The following AMPD3 variants were observed in gnomAD, a reference collection of about 807,000 sequenced individuals.
AMPD3 encodes adenosine monophosphate deaminase 3, also known as AMP deaminase 3.
Under a neutral mutation model 82.3 loss-of-function variants are expected in AMPD3, and 57 were observed. The observed-to-expected ratio is 0.69, with a 90% CI of 0.56 to 0.86. The LOEUF (loss-of-function observed/expected upper bound fraction) is 0.86. Ranked by LOEUF, AMPD3 falls within the 40% of genes least tolerant of loss-of-function variation. AMPD3 has a pLI of 0.00. For synonymous variants in AMPD3, 381 were observed against 394.7 expected (o/e 0.97, Z 0.41); for missense variants, 870 against 1,003.8 (o/e 0.87, Z 1.80).
chr11:10,482,377 C>T (rs1430615533), intron 4 of AMPD3, 152 bp downstream of exon 4: 2 of 931,240 alleles, frequency 2.1e-6, no homozygotes, highest in East Asian at 5.3e-5. Context: ...TTGATGGTTC[C>T]CCCAAGGATT....
At chr11:10,451,219 G>T (rs1332238787), upstream of AMPD3, among the ~76,000 whole-genome samples, 1 of 152,222 alleles carries the variant, frequency 6.6e-6, no homozygotes, top group Non-Finnish European at 1.5e-5. Context: ...TCCTGTCCCT[G>T]TCCCTACCCC....
In AMPD3 at chr11:10,486,684, G is replaced by A. The variant is rs1441273860; in HGVS notation, c.810-551G>A. 6.1e-6 allele frequency: 6 copies of A among 985,352 alleles called. No homozygotes were observed. In the Admixed American group the frequency reaches 3.7e-4, roughly 61 times the overall value. 61.0% of individuals were successfully genotyped at this position (985,352 alleles called of 1,614,324 possible). On this transcript the variant is annotated intron_variant, in intron 5 of 14. Coordinates refer to ENST00000396553, the MANE Select transcript of AMPD3 (RefSeq NM_001025389.2). ...TGGGCCGTGGCCATTAGGTCAGGGG[G>A]CTGGTTCCTCTGCAACCCAAGGTGG...
At chr11:10,485,882 AAT>A (rs1849053728) in intron 5 of AMPD3, among the ~76,000 whole-genome samples, 1 of 151,936 alleles carries the variant, frequency 6.6e-6, no homozygotes, top group Non-Finnish European at 1.5e-5. Flanking sequence ...GCTGATCAGT[AAT>A]ACCTGGACTC....
At chr11:10,450,693 G>C, upstream of AMPD3, 1 of 1,064,802 alleles carries the variant, frequency 9.4e-7, no homozygotes, top group Non-Finnish European at 1.1e-6. Flanking sequence ...CTGCTCTCAA[G>C]TTTCCCGTTG....
rs996390777 is a variant in AMPD3 at position 10,465,784 on chromosome 11, C to T, written c.221+4044C>T. ...CCTGGGTTTCAAGCACAAAACAGGG[C>T]GGCCATTCAGGCAGACACTGAACTA... On this transcript the variant is annotated intron_variant, in intron 2 of 14. Transcript: ENST00000396553. Among the ~76,000 whole-genome samples the T allele has an allele frequency of 2.4e-3, 354 of 150,248 alleles. 1 individual carries two copies. The highest frequency in any genetic ancestry group is 8.2e-3 in the African/African-American group (336 of 40,856).
chr11:10,473,320 A>G, intron 2 of AMPD3: 2 of 883,226 alleles, frequency 2.3e-6, no homozygotes, highest in Non-Finnish European at 2.7e-6. Context: ...TGTAACACTT[A>G]AGTTAACAGA....
intron 7 of AMPD3, 110 bp downstream of exon 7, chr11:10,493,653 GCTTTCTCTT>G: frequency 8.1e-7 from 1 of 1,240,978 alleles, no homozygotes; most frequent in Non-Finnish European, 1.1e-6. Context: ...TACGGAAGCA[GCTTTCTCTT>G]CTATCTGACT....
At chr11:10,458,254 TA>T (rs374036957) in intron 1 of AMPD3, among the ~76,000 whole-genome samples, 62 of 91,454 alleles carry the variant, frequency 6.8e-4, no homozygotes, top group South Asian at 3.9e-3. Context: ...ACCTCATCTC[TA>T]AAAAAAAAAA....
chr11:10,498,363 G>C (rs553063793), intron 10 of AMPD3: 1 of 153,434 alleles, frequency 6.5e-6, no homozygotes, highest in African/African-American at 2.4e-5. Context: ...AGGAAGAGCA[G>C]GTATGGGGAG....
At chr11:10,494,008 G>A (rs779170732) in intron 7 of AMPD3, among the ~76,000 whole-genome samples, 9 of 152,170 alleles carry the variant, frequency 5.9e-5, no homozygotes, top group Non-Finnish European at 8.8e-5. Context: ...CTGAAAGCAG[G>A]AACTTGAACA....
chr11:10,498,873 C>T lies in AMPD3; in HGVS notation c.1558-1213C>T, dbSNP rs544545552. Among the ~76,000 whole-genome samples, 22 of 152,354 alleles carry T rather than the reference C, an allele frequency of 1.4e-4. No homozygotes were observed. The South Asian group carries it at 1.7e-3, about 11-fold the overall frequency. ...AAGCCTCCCCTGTGCGCTGAGAGCC[C>T]GTACCCTCCATGCATGTGTTCTTGG... On this transcript the variant is annotated intron_variant, in intron 10 of 14. Transcript: ENST00000396553.
intron 10 of AMPD3, among the ~76,000 whole-genome samples, chr11:10,498,111 T>C (rs1056391614): frequency 6.6e-6 from 1 of 152,226 alleles, no homozygotes; most frequent in Non-Finnish European, 1.5e-5. Flanking sequence ...ACCCCTATTC[T>C]ATGTTGCCTC....
At chr11:10,496,153 G>T in intron 9 of AMPD3, 1 of 870,350 alleles carries the variant, frequency 1.1e-6, no homozygotes, top group Non-Finnish European at 1.4e-6. Context: ...CTGACCTCGT[G>T]ATCCACCTGC....
rs34205084 is a variant in AMPD3, at chr11:10,506,895, TTG to T, written c.*1031_*1032del. On this transcript the variant is annotated 3_prime_UTR_variant, in exon 15 of 15. Transcript: ENST00000396553. This position sits in a 1 kb window ranked among gnomAD's most constrained non-coding sequence, Gnocchi z 4.1. ...TTCCATTAGACCCCACAAATGTTAG[TTG>T]TGTGTGTGTGTGTGTGTGTTTTTAA... The T allele has an allele frequency of 6.1e-5, 9 of 146,900 alleles. No individual in the cohort carries two copies. The highest frequency in any genetic ancestry group is 9.2e-5 in the Non-Finnish European group (6 of 65,172). 9.1% of individuals were successfully genotyped at this position (146,900 alleles called of 1,614,324 possible). A position where few individuals can be genotyped will look rare whatever the true frequency, so the allele number is the denominator to read the frequency against.
chr11:10,487,290 G>A lies in AMPD3; in HGVS notation c.865G>A (p.Glu289Lys). 6.2e-7 allele frequency: 1 copy of A among 1,614,200 alleles called. No individual in the cohort carries two copies. ...TCTGGAATCCAAGTTCAGCCTTCATGAGATGTTAAACGAAATGTCCGAGTT... is the reference window on the plus strand; with the variant it reads ...TCTGGAATCCAAGTTCAGCCTTCATAAGATGTTAAACGAAATGTCCGAGTT... Reference protein sequence around the residue: ...NFLESKFSLHEMLNEMSEFKE... With the variant: ...NFLESKFSLHKMLNEMSEFKE... The change falls in exon 6 of 15, where the codon GAG becomes AAG. Residue 289 changes from glutamate (E) to lysine (K), a missense_variant. Physicochemically the swap from Glu to Lys is moderately conservative, Grantham distance 56. Coordinates refer to ENST00000396553, the MANE Select transcript of AMPD3 (RefSeq NM_001025389.2).
chr11:10,484,329 G>A (rs1167269857), intron 4 of AMPD3: 40 of 985,278 alleles, frequency 4.1e-5, no homozygotes, highest in Admixed American at 6.1e-5. Context: ...TGGGGAGGGA[G>A]TGGCTTCTTT....
intron 4 of AMPD3, chr11:10,484,203 G>A (rs1848997222): frequency 2.0e-6 from 2 of 982,800 alleles, no homozygotes; most frequent in Non-Finnish European, 2.4e-6. Context: ...GCATAGAGGA[G>A]TTTTCTACCT....
intron 12 of AMPD3, chr11:10,502,377 C>T: frequency 2.0e-6 from 2 of 985,482 alleles, no homozygotes; most frequent in Non-Finnish European, 2.4e-6. Context: ...ATCTTCTAGA[C>T]TGGGTCCGTG....
chr11:10,503,789 A>G (rs1849641388), intron 13 of AMPD3: 1 of 201,412 alleles, frequency 5.0e-6, no homozygotes, highest in Admixed American at 6.5e-5. Context: ...TCTGCATTCA[A>G]TTTGTTTTTA....
Sources: gnomAD v4.1 joint callset for allele counts (sites outside exome capture counted in the v4.1 genomes callset) on GRCh38, gnomAD v4.1.1 for gene constraint, Gnocchi (gnomAD v3.1) non-coding constraint, MANE v1.5 for transcripts, NCBI Gene and HGNC (gene_info 2026-07-23, HGNC 2026-07-21) for gene names.